RANBP2: variants seen among roughly 807,000 people sequenced by gnomAD.
RANBP2 encodes the protein E3 SUMO-protein ligase RanBP2.
RANBP2 carries 57 observed loss-of-function variants against 303.6 expected under a neutral mutation model. That is an observed-to-expected ratio of 0.19 (90% CI 0.15 to 0.23). The LOEUF (loss-of-function observed/expected upper bound fraction) is 0.23. Ranked by LOEUF, RANBP2 falls within the 10% of genes least tolerant of loss-of-function variation. RANBP2 has a pLI of 1.00. For synonymous variants in RANBP2, 1,167 were observed against 1,301.5 expected, an observed-to-expected ratio of 0.90 and a Z score of 2.23; for missense variants, 3,138 against 3,780.8, an observed-to-expected ratio of 0.83 and a Z score of 4.46.
chr2:109,350,593 T>C, the RANBP2 span, among the ~76,000 whole-genome samples: 1 of 152,198 alleles, frequency 6.6e-6, no homozygotes, highest in Non-Finnish European at 1.5e-5. Context: ...CACTCCTCAG[T>C]GTCCGCAAAT....
the RANBP2 span, among the ~76,000 whole-genome samples, chr2:109,199,839 G>C: frequency 1.4e-4 from 8 of 58,418 alleles, no homozygotes; most frequent in African/African-American, 1.9e-4. Flanking sequence ...GAATGGAATG[G>C]AATGGAATGG....
At chr2:108,811,179 T>G in the RANBP2 span, among the ~76,000 whole-genome samples, 1 of 150,028 alleles carries the variant, frequency 6.7e-6, no homozygotes, top group Non-Finnish European at 1.5e-5. Flanking sequence ...CCTGCCTTCC[T>G]TTTCTGTTTC....
the RANBP2 span, among the ~76,000 whole-genome samples, chr2:109,652,876 A>G: frequency 6.6e-6 from 1 of 152,198 alleles, no homozygotes. Context: ...ATAAGTCCCC[A>G]GTGTCTTAGT....
At chr2:109,613,145 C>G in the RANBP2 span, 2 of 1,286,626 alleles carry the variant, frequency 1.6e-6, no homozygotes, top group Non-Finnish European at 2.0e-6. Context: ...TGTACACGAC[C>G]TTGGTACTAT....
chr2:109,616,266 A>T, the RANBP2 span: 1 of 768,034 alleles, frequency 1.3e-6, no homozygotes, highest in Non-Finnish European at 1.8e-6. Flanking sequence ...TCATACCTTG[A>T]CCTGTACCTC....
chr2:108,935,843 C>T, the RANBP2 span, among the ~76,000 whole-genome samples: 1 of 152,226 alleles, frequency 6.6e-6, no homozygotes, highest in Admixed American at 6.5e-5. Context: ...TGGAAGACAT[C>T]ATTATATACA....
At chr2:109,025,179 G>A in the RANBP2 span, among the ~76,000 whole-genome samples, 3 of 152,212 alleles carry the variant, frequency 2.0e-5, no homozygotes, top group Admixed American at 2.0e-4. Context: ...TATGTAGTGT[G>A]TATTAGAATT....
chr2:109,671,536 G>A, the RANBP2 span, among the ~76,000 whole-genome samples: 1 of 152,170 alleles, frequency 6.6e-6, no homozygotes, highest in African/African-American at 2.4e-5. Flanking sequence ...GCAAGGAGGA[G>A]TCCTCCCCCT....
chr2:108,876,801 T>C, the RANBP2 span, among the ~76,000 whole-genome samples: 1,770 of 152,292 alleles, frequency 0.012, 16 homozygotes, highest in Non-Finnish European at 0.02. Flanking sequence ...GTTTTCAAAA[T>C]AATTATTACT....
intron 20 of RANBP2, among the ~76,000 whole-genome samples, chr2:108,770,788 TA>T (rs1300627165): frequency 6.6e-6 from 1 of 152,250 alleles, no homozygotes; most frequent in African/African-American, 2.4e-5. Flanking sequence ...AATGATATTT[TA>T]CATTATTGTT....
chr2:109,141,667 T>C, the RANBP2 span: 4 of 154,820 alleles, frequency 2.6e-5, no homozygotes, highest in African/African-American at 7.2e-5. Flanking sequence ...GATAACAGTG[T>C]GTCTTGACAG....
At chr2:109,470,594 G>A in the RANBP2 span, among the ~76,000 whole-genome samples, 5 of 152,228 alleles carry the variant, frequency 3.3e-5, no homozygotes, top group Admixed American at 6.5e-5. Flanking sequence ...AGGCAGTCTG[G>A]AGGAGGACAG....
the RANBP2 span, among the ~76,000 whole-genome samples, chr2:109,092,741 G>C: frequency 2.6e-5 from 4 of 152,138 alleles, no homozygotes; most frequent in Admixed American, 2.6e-4. Context: ...CTGTGTAAAT[G>C]TTAAACATTA....
At chr2:109,566,292 T>G in the RANBP2 span, among the ~76,000 whole-genome samples, 1,217 of 152,062 alleles carry the variant, frequency 8.0e-3, 16 homozygotes, top group African/African-American at 0.028. Context: ...AGCTAATTTT[T>G]GCATTTTTAG....
chr2:108,735,014 T>G (rs368960368), intron 4 of RANBP2, among the ~76,000 whole-genome samples: 1 of 152,094 alleles, frequency 6.6e-6, no homozygotes, highest in Non-Finnish European at 1.5e-5. Flanking sequence ...TTCCTCTCCT[T>G]GTATGTAAGT....
the RANBP2 span, among the ~76,000 whole-genome samples, chr2:109,369,758 G>A: frequency 6.6e-6 from 1 of 152,286 alleles, no homozygotes; most frequent in East Asian, 1.9e-4. Flanking sequence ...GATCAATGCT[G>A]CCTCAACTCG....
the RANBP2 span, among the ~76,000 whole-genome samples, chr2:109,634,725 C>A: frequency 6.6e-6 from 1 of 152,088 alleles, no homozygotes; most frequent in Admixed American, 6.6e-5. Flanking sequence ...ATAACAACAA[C>A]TCATGATGTT....
the RANBP2 span, among the ~76,000 whole-genome samples, chr2:109,633,382 G>A: frequency 6.6e-6 from 1 of 150,940 alleles, no homozygotes; most frequent in Non-Finnish European, 1.5e-5. Flanking sequence ...GACAGAATGA[G>A]ACTCCATCTC....
the RANBP2 span, among the ~76,000 whole-genome samples, chr2:109,080,545 C>T: frequency 2.0e-5 from 3 of 152,190 alleles, no homozygotes; most frequent in African/African-American, 4.8e-5. Context: ...ATCTATCTCA[C>T]TGTCACCCAG....
Sources: gnomAD v4.1 joint callset for allele counts (sites outside exome capture counted in the v4.1 genomes callset) on GRCh38, gnomAD v4.1.1 for gene constraint, MANE v1.5 for transcripts, NCBI Gene and HGNC (gene_info 2026-07-23, HGNC 2026-07-21) for gene names.